HS6ST3: variants seen among roughly 807,000 people sequenced by gnomAD.
HS6ST3 encodes heparan-sulfate 6-O-sulfotransferase 3.
HS6ST3 carries 12 observed loss-of-function variants against 36.7 expected under a neutral mutation model. That is an observed-to-expected ratio of 0.33 (90% confidence interval 0.21 to 0.53). The LOEUF is 0.53. Ranked by LOEUF, HS6ST3 falls within the 20% of genes least tolerant of loss-of-function variation. The pLI is 0.95. For missense variants in HS6ST3, 584 were observed against 640.9 expected, an observed-to-expected ratio of 0.91 and a Z score of 0.96; for synonymous variants, 240 against 257.5, an observed-to-expected ratio of 0.93 and a Z score of 0.65.
At chr13:96,484,587 A>T (rs915498146) in intron 1 of HS6ST3, among the ~76,000 whole-genome samples, 6 of 152,290 alleles carry the variant, frequency 3.9e-5, no homozygotes, top group Admixed American at 2.6e-4. Flanking sequence ...ACTGTAAGTG[A>T]GATCATACAG....
At chr13:96,519,402 T>A (rs891284484) in intron 1 of HS6ST3, among the ~76,000 whole-genome samples, 23 of 152,256 alleles carry the variant, frequency 1.5e-4, no homozygotes, top group African/African-American at 5.5e-4. Context: ...AGTCTTGTTT[T>A]GCTTTGAATG....
At chr13:96,782,083 A>C (rs1877540363) in intron 1 of HS6ST3, among the ~76,000 whole-genome samples, 1 of 152,150 alleles carries the variant, frequency 6.6e-6, no homozygotes, top group African/African-American at 2.4e-5. Context: ...TTGCATCTGA[A>C]ATTATTGTGA....
At chr13:96,229,483 T>A (rs1357913963) in intron 1 of HS6ST3, among the ~76,000 whole-genome samples, 3 of 152,148 alleles carry the variant, frequency 2.0e-5, no homozygotes, top group Non-Finnish European at 2.9e-5. Flanking sequence ...CACAGATAGC[T>A]CCCTTCTCAT....
At chr13:96,332,055 G>A (rs534940869) in intron 1 of HS6ST3, among the ~76,000 whole-genome samples, 28 of 152,242 alleles carry the variant, frequency 1.8e-4, no homozygotes, top group African/African-American at 5.8e-4. Flanking sequence ...CAGGGTGCAC[G>A]CACCCACTGA....
rs527380723 is a variant in HS6ST3, at chr13:96,362,012, G to A, written c.707+270443G>A. Among the ~76,000 whole-genome samples the A allele has an allele frequency of 2.0e-5, 3 of 152,272 alleles. No individual in the cohort carries two copies. In the East Asian group the frequency reaches 5.8e-4, roughly 29 times the overall value. Reference sequence around the variant, plus strand: ...GGACCCAGCAACCTGATTGTAACAAGCCCTCCCCGTGATCCTGATGCAGCT... The same window carrying A: ...GGACCCAGCAACCTGATTGTAACAAACCCTCCCCGTGATCCTGATGCAGCT... On this transcript the variant is annotated intron_variant, in intron 1 of 1. Coordinates refer to ENST00000376705, the MANE Select transcript of HS6ST3 (RefSeq NM_153456.4).
chr13:96,241,108 G>T (rs1017027126), intron 1 of HS6ST3, among the ~76,000 whole-genome samples: 1 of 150,072 alleles, frequency 6.7e-6, no homozygotes, highest in South Asian at 2.1e-4. Context: ...AAATGAGAGG[G>T]TAATAAATCT....
intron 1 of HS6ST3, among the ~76,000 whole-genome samples, chr13:96,404,856 C>T (rs2055469458): frequency 1.3e-5 from 2 of 152,174 alleles, no homozygotes; most frequent in Admixed American, 1.3e-4. Context: ...CCCACAATAG[C>T]CACATATAAT....
chr13:96,558,132 T>C (rs1013248413), intron 1 of HS6ST3, among the ~76,000 whole-genome samples: 2 of 152,190 alleles, frequency 1.3e-5, no homozygotes, highest in Non-Finnish European at 2.9e-5. Context: ...TATCTTCTCC[T>C]CAATGCTCGT....
At chr13:96,096,034 T>A (rs1247335466) in intron 1 of HS6ST3, among the ~76,000 whole-genome samples, 1 of 152,162 alleles carries the variant, frequency 6.6e-6, no homozygotes, top group Non-Finnish European at 1.5e-5. Flanking sequence ...ATCTCTTTTT[T>A]TTTTGTATAC....
intron 1 of HS6ST3, among the ~76,000 whole-genome samples, chr13:96,400,311 A>ACACG (rs1491015941): frequency 4.6e-4 from 29 of 62,944 alleles, no homozygotes; most frequent in South Asian, 2.4e-3. Flanking sequence ...ACACAGATAC[A>ACACG]CACACACACA....
intron 1 of HS6ST3, among the ~76,000 whole-genome samples, chr13:96,701,641 G>A (rs1486332904): frequency 6.6e-6 from 1 of 152,026 alleles, no homozygotes; most frequent in Non-Finnish European, 1.5e-5. Context: ...ATTTAATGAG[G>A]GAGATGAGAA....
intron 1 of HS6ST3, among the ~76,000 whole-genome samples, chr13:96,663,981 C>G (rs2056655163): frequency 6.6e-6 from 1 of 151,986 alleles, no homozygotes; most frequent in African/African-American, 2.4e-5. Flanking sequence ...GAGGTTGAAG[C>G]AAAATTGAGT....
At chr13:96,504,606 A>AT in intron 1 of HS6ST3, among the ~76,000 whole-genome samples, 1 of 152,148 alleles carries the variant, frequency 6.6e-6, no homozygotes, top group African/African-American at 2.4e-5. Context: ...GAAATCAGCT[A>AT]TGGTACAGAA....
chr13:96,129,058 C>G (rs654903), intron 1 of HS6ST3, among the ~76,000 whole-genome samples: 147,643 of 152,170 alleles, frequency 0.97, 71,790 homozygotes, highest in East Asian at 1. Context: ...TGTTGGCCAG[C>G]CTCATCTCCA....
chr13:96,639,283 C>G (rs533151571), intron 1 of HS6ST3, among the ~76,000 whole-genome samples: 1 of 151,784 alleles, frequency 6.6e-6, no homozygotes, highest in Admixed American at 6.6e-5. Flanking sequence ...ATAAAATGTC[C>G]TTACTTGTTT....
At chr13:96,544,895 A>C (rs570842921) in intron 1 of HS6ST3, among the ~76,000 whole-genome samples, 1 of 152,328 alleles carries the variant, frequency 6.6e-6, no homozygotes, top group Non-Finnish European at 1.5e-5. Flanking sequence ...CTCATTAAGA[A>C]ATTCACAAAT....
intron 1 of HS6ST3, among the ~76,000 whole-genome samples, chr13:96,273,939 C>A (rs1594739765): frequency 1.7e-5 from 2 of 121,174 alleles, no homozygotes; most frequent in South Asian, 7.6e-4. Context: ...CTCCCTCCCT[C>A]CCTCCCTCCC....
At chr13:96,771,651 A>C (rs1877269309) in intron 1 of HS6ST3, among the ~76,000 whole-genome samples, 1 of 152,150 alleles carries the variant, frequency 6.6e-6, no homozygotes, top group Non-Finnish European at 1.5e-5. Flanking sequence ...CAAGGTGCCA[A>C]GCCTTCCAAG....
chr13:96,334,713 A>G (rs2055091091), intron 1 of HS6ST3, among the ~76,000 whole-genome samples: 2 of 152,142 alleles, frequency 1.3e-5, no homozygotes, highest in Non-Finnish European at 1.5e-5. Context: ...CACTACCACA[A>G]AAACAGTATG....
Sources: allele counts gnomAD v4.1 joint callset (sites outside exome capture counted in the v4.1 genomes callset), GRCh38; gene constraint gnomAD v4.1.1; transcripts MANE v1.5; gene names NCBI Gene and HGNC (gene_info 2026-07-23, HGNC 2026-07-21).